The following LYVE1 variants were observed in gnomAD, a reference collection of about 807,000 sequenced individuals.
The protein encoded by LYVE1 is lymphatic vessel endothelial hyaluronan receptor 1.
A neutral mutation model predicts 31.5 loss-of-function variants in LYVE1; 29 were observed. The ratio of observed to expected loss-of-function variants is 0.92; its 90% CI spans 0.69 to 1.26. The LOEUF (loss-of-function observed/expected upper bound fraction) is 1.26, where lower values mean the gene tolerates loss of function less well. LYVE1 is among the 50% of genes most tolerant of loss of function. The pLI is 0.00. For missense variants in LYVE1, 376 were observed against 380.2 expected (o/e 0.99, Z 0.09); for synonymous variants, 134 against 139.4 (o/e 0.96, Z 0.27).
At chr11:10,562,955 T>C (rs996020291) in intron 3 of LYVE1, among the ~76,000 whole-genome samples, 3 of 136,834 alleles carry the variant, frequency 2.2e-5, no homozygotes, top group African/African-American at 5.5e-5. Flanking sequence ...TCTTTTTTTT[T>C]TTTTTTTTTT....
intron 3 of LYVE1, among the ~76,000 whole-genome samples, chr11:10,561,344 T>C (rs1431433918): frequency 6.6e-6 from 1 of 152,146 alleles, no homozygotes; most frequent in Non-Finnish European, 1.5e-5. Flanking sequence ...ATGAGCACTG[T>C]GTGTGGTACA....
At chr11:10,562,946 CTTT>C (rs71034774) in intron 3 of LYVE1, among the ~76,000 whole-genome samples, 2,149 of 79,050 alleles carry the variant, frequency 0.027, 9 homozygotes, top group African/African-American at 0.055. Flanking sequence ...AACTCGGTTT[CTTT>C]TTTTTTTTTT....
rs768456049 is a variant in LYVE1 at position 10,559,892 on chromosome 11, C to T, written c.706G>A (p.Val236Ile). 1.9e-6 allele frequency: 3 copies of T among 1,612,794 alleles called. No homozygotes were observed. The South Asian group carries it at 3.3e-5, about 18-fold the overall frequency. ...FKNEAAGFGG[V>I]PTALLVLALL... Reference sequence around the variant, plus strand: ...GCAAGCACTAGCAGAGCCGTGGGGACACCTGCAAGGAACAGAGACAAGGCC... The same window carrying T: ...GCAAGCACTAGCAGAGCCGTGGGGATACCTGCAAGGAACAGAGACAAGGCC... The change falls in exon 5 of 6, where the codon GTC (valine) becomes ATC (isoleucine). Residue 236 changes from valine to isoleucine, a missense_variant and splice_region_variant. Physicochemically the swap from Val to Ile is conservative, Grantham distance 29 (BLOSUM62 3). Coordinates refer to ENST00000256178, the MANE Select transcript of LYVE1 (RefSeq NM_006691.4).
chr11:10,565,621 G>A (rs1458414801), intron 1 of LYVE1, among the ~76,000 whole-genome samples: 1 of 152,110 alleles, frequency 6.6e-6, no homozygotes, highest in Non-Finnish European at 1.5e-5. Context: ...CAGATTAGGA[G>A]CACACACTCA....
At chr11:10,565,490 G>A (rs1029428607) in intron 1 of LYVE1, among the ~76,000 whole-genome samples, 2 of 152,188 alleles carry the variant, frequency 1.3e-5, no homozygotes, top group African/African-American at 4.8e-5. Context: ...ACGCAGCTCT[G>A]TGTATTGGAT....
intron 1 of LYVE1, 65 bp from the exon 2 acceptor site, chr11:10,564,439 T>TGGGAAGGAGAG: frequency 6.8e-7 from 1 of 1,477,918 alleles, no homozygotes. Context: ...TAGACTCTCC[T>TGGGAAGGAGAG]TCCCAGCAGA....
At position 10,559,905 on chromosome 11, in the gene LYVE1, C is replaced by T. The variant is rs1850385281; in HGVS notation, c.704-11G>A. ...GAGCCGTGGGGACACCTGCAAGGAACAGAGACAAGGCCTGTTGGTCCTTCA... is the reference window on the plus strand; with the variant it reads ...GAGCCGTGGGGACACCTGCAAGGAATAGAGACAAGGCCTGTTGGTCCTTCA... On this transcript the variant is annotated splice_polypyrimidine_tract_variant and intron_variant, in intron 4 of 5. Coordinates refer to ENST00000256178, the MANE Select transcript of LYVE1 (RefSeq NM_006691.4). The T allele has an allele frequency of 6.2e-7, 1 of 1,602,648 alleles. No individual in the cohort carries two copies. Among genetic ancestry groups the T allele is most frequent in the African/African-American group, 1.3e-5 (1 of 74,822 alleles).
At chr11:10,561,972 AAAT>A (rs1850435513) in intron 3 of LYVE1, among the ~76,000 whole-genome samples, 1 of 152,150 alleles carries the variant, frequency 6.6e-6, no homozygotes, top group Non-Finnish European at 1.5e-5. Context: ...AGTATAATAA[AAAT>A]AAAATAATAA....
intron 1 of LYVE1, among the ~76,000 whole-genome samples, chr11:10,565,008 T>C (rs1357538956): frequency 6.6e-6 from 1 of 152,214 alleles, no homozygotes; most frequent in East Asian, 1.9e-4. Flanking sequence ...ATCTAGCATA[T>C]GTCATTTGCT....
Position 10,560,584 on chromosome 11 carries a change from A to G in LYVE1, c.614T>C (p.Val205Ala), listed in dbSNP as rs912802779. The change falls in exon 4 of 6, where the codon GTT (valine) becomes GCT (alanine). Residue 205 changes from valine (V) to alanine (A), a missense_variant. Transcript: ENST00000256178. The part of the protein sequence containing the change: ...RRKKLICVTE[V>A]FMETSTMSTE... ...AGACATGGTGCTAGTTTCCATAAAA[A>G]CTTCTGTGACACAAATCAATTTTTT... 28 of 1,614,116 alleles carry G rather than the reference A, an allele frequency of 1.7e-5. No homozygotes were observed. The highest frequency in any genetic ancestry group is 2.4e-5 in the Non-Finnish European group (28 of 1,179,990).
chr11:10,568,335 G>C, intron 1 of LYVE1, 113 bp downstream of exon 1: 1 of 974,796 alleles, frequency 1.0e-6, no homozygotes, highest in Non-Finnish European at 1.5e-6. Flanking sequence ...CCACCAATTA[G>C]ACCTGCTGTT....
Position 10,568,633 on chromosome 11 carries a change from A to C in LYVE1, c.-101T>G, listed in dbSNP as rs369184418. 6 of 1,440,830 alleles carry C rather than the reference A, an allele frequency of 4.2e-6. No homozygotes were observed. The South Asian group carries it at 5.9e-5, about 14-fold the overall frequency. 89.3% of individuals were successfully genotyped at this position (1,440,830 alleles called of 1,614,324 possible). On this transcript the variant is annotated 5_prime_UTR_variant, in exon 1 of 6. Transcript: ENST00000256178. ...AGTCCGGATGGAGAGTTCTGGAACT[A>C]TGTTGAGGCTCACACTCACTGCTCC...
chr11:10,567,267 A>C (rs139372778), intron 1 of LYVE1, among the ~76,000 whole-genome samples: 9 of 152,342 alleles, frequency 5.9e-5, no homozygotes, highest in Admixed American at 2.0e-4. Context: ...TTTATTCTGC[A>C]GTCATGGTTA....
At chr11:10,560,342 T>G (rs905256999) in intron 4 of LYVE1, among the ~76,000 whole-genome samples, 153 bp downstream of exon 4, 3 of 152,248 alleles carry the variant, frequency 2.0e-5, no homozygotes, top group Admixed American at 2.0e-4. Flanking sequence ...AGCTCTCAGA[T>G]TCTATGACTT....
Position 10,568,628 on chromosome 11 carries a change from G to A in LYVE1, c.-96C>T. On this transcript the variant is annotated 5_prime_UTR_variant, in exon 1 of 6. Coordinates refer to ENST00000256178, the MANE Select transcript of LYVE1 (RefSeq NM_006691.4). The stretch of plus-strand genomic sequence containing the variant: ...TAACTAGTCCGGATGGAGAGTTCTG[G>A]AACTATGTTGAGGCTCACACTCACT... The A allele has an allele frequency of 6.8e-7, 1 of 1,461,626 alleles. No individual in the cohort carries two copies. The highest frequency in any genetic ancestry group is 9.1e-7 in the Non-Finnish European group (1 of 1,099,174). 90.5% of individuals were successfully genotyped at this position (1,461,626 alleles called of 1,614,324 possible). A position where few individuals can be genotyped will look rare whatever the true frequency, so the allele number is the denominator to read the frequency against.
At chr11:10,566,472 C>A (rs576159801) in intron 1 of LYVE1, among the ~76,000 whole-genome samples, 4 of 152,258 alleles carry the variant, frequency 2.6e-5, no homozygotes, top group Non-Finnish European at 4.4e-5. Context: ...GAAATGAACA[C>A]ACACAGACAC....
rs533840110 is a variant in LYVE1 at position 10,559,864 on chromosome 11, A to G, written c.734T>C (p.Leu245Pro). 50 of 1,613,980 alleles carry G rather than the reference A, an allele frequency of 3.1e-5. 1 individual carries two copies. In the South Asian group the frequency reaches 4.8e-4, roughly 16 times the overall value. ...GVPTALLVLA[L>P]LFFGAAAGLG... ...ACCAGCTGCAGCACCAAAGAAGAGG[A>G]GAGCAAGCACTAGCAGAGCCGTGGG... The change falls in exon 5 of 6, where the codon CTC (leucine) becomes CCC (proline). Residue 245 changes from leucine (L) to proline (P), a missense_variant. Physicochemically the swap from Leu to Pro is moderately conservative, Grantham distance 98. Transcript: ENST00000256178.
chr11:10,563,271 A>G (rs1220280726), intron 3 of LYVE1, among the ~76,000 whole-genome samples: 2 of 152,062 alleles, frequency 1.3e-5, no homozygotes, highest in East Asian at 3.9e-4. Flanking sequence ...CTTTATTTGC[A>G]AAGTGGGGAT....
In LYVE1 at chr11:10,559,824, A is replaced by G. The variant is rs750361195; in HGVS notation, c.774T>C (p.Tyr258=). The change falls in exon 5 of 6, where the codon TAT becomes TAC. Residue 258 remains tyrosine (Y), a synonymous_variant. Transcript: ENST00000256178. Reference sequence around the variant, plus strand: ...TGCACCAACAACCCTACCTTTTGACATAGCAAAATCCAAGACCAGCTGCAG... The same window carrying G: ...TGCACCAACAACCCTACCTTTTGACGTAGCAAAATCCAAGACCAGCTGCAG... The part of the protein sequence containing the change: ...FGAAAGLGFC[Y]VKRYVKAFPF... 6 of 1,613,876 alleles carry G rather than the reference A, an allele frequency of 3.7e-6. No homozygotes were observed. Among genetic ancestry groups the G allele is most frequent in the Admixed American group, 1.7e-5 (1 of 60,008 alleles).
Sources: gnomAD v4.1 joint callset for allele counts (sites outside exome capture counted in the v4.1 genomes callset) on GRCh38, gnomAD v4.1.1 for gene constraint, MANE v1.5 for transcripts, NCBI Gene and HGNC (gene_info 2026-07-23, HGNC 2026-07-21) for gene names.